NUP210L: variants seen among roughly 807,000 people sequenced by gnomAD.
NUP210L encodes nucleoporin 210 like.
In NUP210L, 74 loss-of-function variants were observed where a neutral mutation model predicts 208.5. That is an observed-to-expected ratio of 0.35 (90% CI 0.29 to 0.43). The LOEUF (loss-of-function observed/expected upper bound fraction) is 0.43, where lower values mean the gene tolerates loss of function less well. Among genes scored for constraint, NUP210L ranks in the 20% least tolerant of loss-of-function variants. NUP210L has a pLI of 1.00. For synonymous variants in NUP210L, 780 were observed against 816.9 expected (o/e 0.95, Z 0.77); for missense variants, 1,843 against 2,289.4 (o/e 0.81, Z 3.98).
chr1:154,142,644 A>G (rs1658912047), intron 3 of NUP210L, among the ~76,000 whole-genome samples: 1 of 152,050 alleles, frequency 6.6e-6, no homozygotes, highest in Non-Finnish European at 1.5e-5. Context: ...TAATCCCAAC[A>G]CTTTGGGAGG....
At chr1:154,144,249 T>C (rs1193012415) in intron 2 of NUP210L, among the ~76,000 whole-genome samples, 1 of 152,174 alleles carries the variant, frequency 6.6e-6, no homozygotes, top group Non-Finnish European at 1.5e-5. Flanking sequence ...ATTAAAGGAT[T>C]ATACTTTATT....
chr1:154,031,977 A>C (rs923456840), intron 27 of NUP210L, among the ~76,000 whole-genome samples: 12 of 151,690 alleles, frequency 7.9e-5, no homozygotes, highest in Admixed American at 7.2e-4. Context: ...CCCTCCTCCC[A>C]CCTTGGCCTT....
At chr1:154,099,520 A>T (rs1240048726) in intron 14 of NUP210L, among the ~76,000 whole-genome samples, 1 of 152,198 alleles carries the variant, frequency 6.6e-6, no homozygotes, top group African/African-American at 2.4e-5. Flanking sequence ...AGGGCTCAAT[A>T]TAATGGCTTC....
At chr1:154,122,803 A>G (rs1657681709) in intron 10 of NUP210L, among the ~76,000 whole-genome samples, 1 of 152,150 alleles carries the variant, frequency 6.6e-6, no homozygotes, top group Non-Finnish European at 1.5e-5. Flanking sequence ...TCACACCTCT[A>G]ATCCCAGCAC....
rs1657720998 is a variant in NUP210L at position 154,123,574 on chromosome 1, A to G, written c.1326+2749T>C. ...TAAATCTATAATAATTTCAAAATTA[A>G]AAGTTTAAAAAGTTATTAATGGGCC... On this transcript the variant is annotated intron_variant, in intron 10 of 39. Transcript: ENST00000368559. 2.0e-5 allele frequency among the ~76,000 whole-genome samples: 3 copies of G among 152,192 alleles called. No homozygotes were observed. The South Asian group carries it at 6.2e-4, about 31-fold the overall frequency.
intron 2 of NUP210L, among the ~76,000 whole-genome samples, chr1:154,146,112 G>A (rs1659096966): frequency 6.6e-6 from 1 of 151,928 alleles, no homozygotes; most frequent in Non-Finnish European, 1.5e-5. Context: ...CCATCTCATA[G>A]AACTAAAAAG....
chr1:154,041,887 T>G (rs1225951290), intron 27 of NUP210L, among the ~76,000 whole-genome samples: 1 of 151,964 alleles, frequency 6.6e-6, no homozygotes, highest in African/African-American at 2.4e-5. Context: ...TACGACAAAG[T>G]CCCATGTTCC....
Position 154,011,835 on chromosome 1 carries a change from C to T in NUP210L, c.4780+409G>A, listed in dbSNP as rs532126558. Among the ~76,000 whole-genome samples the T allele has an allele frequency of 6.6e-5, 10 of 151,772 alleles. No individual in the cohort carries two copies. In the South Asian group the frequency reaches 1.5e-3, roughly 22 times the overall value. On this transcript the variant is annotated intron_variant, in intron 34 of 39. Coordinates refer to ENST00000368559, the Ensembl canonical transcript of NUP210L. ...TCCAAGTAGCTGGGATACAGGCACA[C>T]GCCACCACACCCAGCTAGTTTTTGT...
chr1:154,009,787 A>C (rs1650794478), intron 35 of NUP210L, among the ~76,000 whole-genome samples, 185 bp downstream of exon 35: 1 of 148,520 alleles, frequency 6.7e-6, no homozygotes, highest in Non-Finnish European at 1.5e-5. Flanking sequence ...AGCAAGACCC[A>C]GTCTCAAAAA....
At chr1:154,005,514 C>T (rs1650472211) in intron 35 of NUP210L, among the ~76,000 whole-genome samples, 1 of 151,972 alleles carries the variant, frequency 6.6e-6, no homozygotes, top group Non-Finnish European at 1.5e-5. Flanking sequence ...AGGTGTGAGC[C>T]ACCGCGCCCA....
At chr1:154,131,393 G>A (rs776109929) in intron 7 of NUP210L, among the ~76,000 whole-genome samples, 4 of 151,762 alleles carry the variant, frequency 2.6e-5, no homozygotes, top group African/African-American at 7.3e-5. Context: ...TTCTGATATC[G>A]GAATAAGATA....
At chr1:154,006,946 G>GTGTATATATATATATATA (rs767785200) in intron 35 of NUP210L, among the ~76,000 whole-genome samples, 2 of 95,442 alleles carry the variant, frequency 2.1e-5, no homozygotes, top group African/African-American at 3.9e-5. Context: ...GTGTGTGTGT[G>GTGTATATATATATATATA]TATATATATA....
At position 154,017,300 on chromosome 1, in the gene NUP210L, G is replaced by C. The variant is rs577977078; in HGVS notation, c.4653+1633C>G. 1.5e-4 allele frequency among the ~76,000 whole-genome samples: 22 copies of C among 151,496 alleles called. 1 individual carries two copies. The highest frequency in any genetic ancestry group is 2.5e-4 in the Non-Finnish European group (17 of 67,878). The stretch of plus-strand genomic sequence containing the variant: ...TGTCTCCAACAAAAAAAAAAAAAGG[G>C]GGGGGCTCAGGTCACTTTGCTGAAG... On this transcript the variant is annotated intron_variant, in intron 33 of 39. Coordinates refer to ENST00000368559, the Ensembl canonical transcript of NUP210L.
Position 154,118,814 on chromosome 1 carries a change from A to T in NUP210L, c.1327-6T>A. On this transcript the variant is annotated splice_region_variant and splice_polypyrimidine_tract_variant and intron_variant, in intron 10 of 39. Transcript: ENST00000368559. ...ATAGGCTGAATATCTTTATTCTATA[A>T]GAGCAGGAAAAAAGGAGCAAAATAT... 1 of 1,536,862 alleles carries T rather than the reference A, an allele frequency of 6.5e-7. No homozygotes were observed. The highest frequency in any genetic ancestry group is 1.2e-5 in the South Asian group (1 of 86,050).
chr1:154,114,501 T>C (rs1657214625), intron 12 of NUP210L, among the ~76,000 whole-genome samples: 1 of 152,152 alleles, frequency 6.6e-6, no homozygotes, highest in South Asian at 2.1e-4. Flanking sequence ...TCAGTTGAAC[T>C]TCAGACCCCT....
At position 154,109,910 on chromosome 1, in the gene NUP210L, A is replaced by T. The variant is rs1051836361; in HGVS notation, c.1621-5700T>A. Among the ~76,000 whole-genome samples, 4 of 151,462 alleles carry T rather than the reference A, an allele frequency of 2.6e-5. 1 individual carries two copies. The highest frequency in any genetic ancestry group is 9.8e-5 in the African/African-American group (4 of 40,778). On this transcript the variant is annotated intron_variant, in intron 12 of 39. Coordinates refer to ENST00000368559, the Ensembl canonical transcript of NUP210L. ...GAGATACAGTGAAAGCAGTACTAAG[A>T]GGAAAGTTTATAGTAATGAATGCCT...
intron 35 of NUP210L, 131 bp downstream of exon 35, chr1:154,009,841 G>T: frequency 1.9e-4 from 103 of 554,794 alleles, no homozygotes; most frequent in Middle Eastern, 5.3e-4. Context: ...GAACAAAAAT[G>T]TTGCCTGACA....
chr1:154,057,441 T>C (rs1463333263), intron 22 of NUP210L, among the ~76,000 whole-genome samples: 1 of 152,128 alleles, frequency 6.6e-6, no homozygotes, highest in Non-Finnish European at 1.5e-5. Flanking sequence ...AAATTTGTTC[T>C]AAGGCTCCAG....
At chr1:154,085,001 C>T (rs868335348) in intron 16 of NUP210L, among the ~76,000 whole-genome samples, 5 of 143,118 alleles carry the variant, frequency 3.5e-5, no homozygotes, top group South Asian at 2.2e-4. Flanking sequence ...CCACCCAATT[C>T]GGCCTCCCAA....
Sources: gnomAD v4.1 joint callset for allele counts (sites outside exome capture counted in the v4.1 genomes callset) on GRCh38, gnomAD v4.1.1 for gene constraint, MANE v1.5 for transcripts, NCBI Gene and HGNC (gene_info 2026-07-23, HGNC 2026-07-21) for gene names.